Variants in LAMC1 observed in about 807,000 individuals in gnomAD.
LAMC1 encodes the protein laminin subunit gamma-1.
In LAMC1, 38 loss-of-function variants were observed where a neutral mutation model predicts 173.6. The observed-to-expected ratio is 0.22, with a 90% CI of 0.17 to 0.29. The LOEUF (loss-of-function observed/expected upper bound fraction) is 0.29. LAMC1 is among the 10% of genes least tolerant of loss of function. LAMC1 has a pLI of 1.00. For missense variants in LAMC1, 1,824 were observed against 2,051.8 expected (o/e 0.89, Z 2.14); for synonymous variants, 746 against 749.1 (o/e 1.00, Z 0.07).
chr1:183,082,079 T>C (rs962033998), intron 1 of LAMC1, among the ~76,000 whole-genome samples: 1 of 152,266 alleles, frequency 6.6e-6, no homozygotes, highest in Admixed American at 6.5e-5. Flanking sequence ...GCTCATTCTT[T>C]TTATCACTGG....
At chr1:183,081,289 T>C (rs1655268948) in intron 1 of LAMC1, among the ~76,000 whole-genome samples, 1 of 152,138 alleles carries the variant, frequency 6.6e-6, no homozygotes, top group Non-Finnish European at 1.5e-5. Context: ...AATTTAGTAA[T>C]ACTGTTTAAA....
At chr1:183,105,972 T>C (rs1330748329) in intron 2 of LAMC1, among the ~76,000 whole-genome samples, 2 of 152,236 alleles carry the variant, frequency 1.3e-5, no homozygotes, top group Non-Finnish European at 2.9e-5. Flanking sequence ...TAGCATACTA[T>C]AATGTGACAA....
chr1:183,075,012 A>T (rs577819308), intron 1 of LAMC1, among the ~76,000 whole-genome samples: 1 of 152,126 alleles, frequency 6.6e-6, no homozygotes, highest in Admixed American at 6.5e-5. Flanking sequence ...CCCACTGCTT[A>T]TATTTTTCTT....
At chr1:183,040,917 A>G (rs1654114554) in intron 1 of LAMC1, among the ~76,000 whole-genome samples, 1 of 152,248 alleles carries the variant, frequency 6.6e-6, no homozygotes, top group African/African-American at 2.4e-5. Context: ...AGAGAAGGAT[A>G]GAAATTCCAT....
chr1:183,031,409 A>G (rs528683005), intron 1 of LAMC1, among the ~76,000 whole-genome samples: 57 of 152,128 alleles, frequency 3.7e-4, no homozygotes, highest in Non-Finnish European at 6.6e-4. Context: ...GGTTCAAGCT[A>G]TTCTTCTGCC....
chr1:183,122,329 T>C, intron 13 of LAMC1, 78 bp downstream of exon 13: 1 of 1,356,950 alleles, frequency 7.4e-7, no homozygotes, highest in Admixed American at 2.0e-5. Flanking sequence ...CGGAGTTGTT[T>C]TGGATCTTTG....
intron 1 of LAMC1, among the ~76,000 whole-genome samples, chr1:183,058,960 A>G (rs1225914259): frequency 6.6e-6 from 1 of 152,252 alleles, no homozygotes; most frequent in Non-Finnish European, 1.5e-5. Context: ...GTTTTATAAC[A>G]TGTAAAATTT....
chr1:183,117,079 G>T, intron 8 of LAMC1, 176 bp downstream of exon 8: 1 of 741,470 alleles, frequency 1.3e-6, no homozygotes, highest in Non-Finnish European at 2.1e-6. Flanking sequence ...TGTACTTTTG[G>T]CTTTAGAATT....
intron 1 of LAMC1, among the ~76,000 whole-genome samples, chr1:183,068,051 G>A (rs1654920933): frequency 6.6e-6 from 1 of 152,186 alleles, no homozygotes; most frequent in African/African-American, 2.4e-5. Flanking sequence ...TGGGAGTTGA[G>A]CTTAGGGCCT....
chr1:183,039,001 A>C (rs1356996341), intron 1 of LAMC1, among the ~76,000 whole-genome samples: 1 of 152,174 alleles, frequency 6.6e-6, no homozygotes, highest in Non-Finnish European at 1.5e-5. Flanking sequence ...CAAATAATTT[A>C]AGGTAGGCGT....
intron 1 of LAMC1, among the ~76,000 whole-genome samples, chr1:183,098,780 A>C (rs1655758578): frequency 6.6e-6 from 1 of 152,202 alleles, no homozygotes; most frequent in African/African-American, 2.4e-5. Flanking sequence ...CACTTTGCAT[A>C]TGCACCCAGA....
chr1:183,081,769 C>G (rs1414673638), intron 1 of LAMC1, among the ~76,000 whole-genome samples: 4 of 151,956 alleles, frequency 2.6e-5, no homozygotes, highest in Non-Finnish European at 5.9e-5. Context: ...GTCATAATCC[C>G]CTAAAGTCTA....
At chr1:183,117,209 A>C in intron 8 of LAMC1, 111 bp from the exon 9 acceptor site, 1 of 1,165,046 alleles carries the variant, frequency 8.6e-7, no homozygotes, top group Non-Finnish European at 1.2e-6. Flanking sequence ...AGGTTTATTG[A>C]TGCCTTTCTG....
chr1:183,135,714 T>C (rs1656920045), intron 24 of LAMC1, among the ~76,000 whole-genome samples: 1 of 151,566 alleles, frequency 6.6e-6, no homozygotes, highest in African/African-American at 2.4e-5. Context: ...AGACCCCATC[T>C]CTATAAAAAA....
chr1:183,129,610 G>A (rs980895726), intron 18 of LAMC1, among the ~76,000 whole-genome samples: 12 of 150,192 alleles, frequency 8.0e-5, no homozygotes, highest in African/African-American at 1.2e-4. Context: ...CCCCAACACC[G>A]AGCATGATGC....
At chr1:183,125,307 CA>C in intron 14 of LAMC1, 89 bp from the exon 15 acceptor site, 1 of 1,410,458 alleles carries the variant, frequency 7.1e-7, no homozygotes, top group Non-Finnish European at 1.0e-6. Flanking sequence ...CCTGGCAACA[CA>C]GGTCTAAAGA....
At chr1:183,049,139 C>G (rs1032725622) in intron 1 of LAMC1, among the ~76,000 whole-genome samples, 4 of 152,152 alleles carry the variant, frequency 2.6e-5, no homozygotes, top group African/African-American at 9.7e-5. Flanking sequence ...TCCAAGTTTT[C>G]TTACTAAATC....
At chr1:183,038,900 A>G (rs952089433) in intron 1 of LAMC1, among the ~76,000 whole-genome samples, 3 of 151,654 alleles carry the variant, frequency 2.0e-5, no homozygotes, top group African/African-American at 7.2e-5. Context: ...TAATAAAATC[A>G]TAAAATTTTG....
intron 1 of LAMC1, among the ~76,000 whole-genome samples, chr1:183,041,429 C>G (rs1654129650): frequency 2.0e-5 from 3 of 152,178 alleles, no homozygotes; most frequent in Non-Finnish European, 4.4e-5. Flanking sequence ...TTGCTAATTT[C>G]TAATTCCTCT....
Sources: allele counts gnomAD v4.1 joint callset (sites outside exome capture counted in the v4.1 genomes callset), GRCh38; gene constraint gnomAD v4.1.1; transcripts MANE v1.5; gene names NCBI Gene and HGNC (gene_info 2026-07-23, HGNC 2026-07-21).